PTPRD: variants seen among roughly 807,000 people sequenced by gnomAD.
The protein encoded by PTPRD is receptor-type tyrosine-protein phosphatase delta.
A neutral mutation model predicts 214.5 loss-of-function variants in PTPRD; 34 were observed. The ratio of observed to expected loss-of-function variants is 0.16; its 90% CI spans 0.12 to 0.21. The LOEUF (loss-of-function observed/expected upper bound fraction) is 0.21. PTPRD is among the 10% of genes least tolerant of loss of function. The pLI, the probability that PTPRD is intolerant of heterozygous loss-of-function variation, is 1.00. For missense variants in PTPRD, 2,545 were observed against 2,398.7 expected, an observed-to-expected ratio of 1.06 and a Z score of -1.27; for synonymous variants, 1,128 against 845.7, an observed-to-expected ratio of 1.33 and a Z score of -5.79.
chr9:9,057,467 T>G (rs56253829), intron 10 of PTPRD, among the ~76,000 whole-genome samples: 67 of 152,102 alleles, frequency 4.4e-4, no homozygotes, highest in Non-Finnish European at 8.2e-4. Context: ...GAAAACTATA[T>G]GTTAAAATGG....
At chr9:10,285,017 T>C (rs569189629) in intron 3 of PTPRD, among the ~76,000 whole-genome samples, 29 of 152,224 alleles carry the variant, frequency 1.9e-4, no homozygotes, top group Non-Finnish European at 1.6e-4. Flanking sequence ...TTAACTGCTA[T>C]TTTGAACATT....
At chr9:8,569,243 G>T (rs1369186374) in intron 14 of PTPRD, among the ~76,000 whole-genome samples, 2 of 152,034 alleles carry the variant, frequency 1.3e-5, no homozygotes, top group East Asian at 3.9e-4. Flanking sequence ...AGAGGAAAAG[G>T]TTATGCTAGT....
intron 35 of PTPRD, among the ~76,000 whole-genome samples, chr9:8,415,767 A>G (rs756898540): frequency 2.0e-4 from 30 of 152,272 alleles, no homozygotes; most frequent in South Asian, 2.1e-4. Context: ...GACGATGACC[A>G]TGAAAATCTG....
intron 3 of PTPRD, among the ~76,000 whole-genome samples, chr9:10,229,334 C>T (rs1437428577): frequency 2.6e-5 from 4 of 152,008 alleles, no homozygotes; most frequent in African/African-American, 9.7e-5. Flanking sequence ...CCATTTGACC[C>T]AGCCATCCCA....
chr9:9,217,908 C>T (rs185800130), intron 9 of PTPRD, among the ~76,000 whole-genome samples: 234 of 152,216 alleles, frequency 1.5e-3, no homozygotes, highest in African/African-American at 5.0e-3. Flanking sequence ...ATAATTAATA[C>T]ATAAATTTAT....
At chr9:8,722,789 CT>C (rs2098515347) in intron 12 of PTPRD, among the ~76,000 whole-genome samples, 2 of 152,090 alleles carry the variant, frequency 1.3e-5, no homozygotes, top group South Asian at 4.1e-4. Flanking sequence ...CAATGTAAAA[CT>C]ATCATCTGCT....
intron 3 of PTPRD, among the ~76,000 whole-genome samples, chr9:10,120,263 T>C (rs768227501): frequency 6.6e-6 from 1 of 151,768 alleles, no homozygotes; most frequent in Non-Finnish European, 1.5e-5. Flanking sequence ...AGCAGTAGCA[T>C]CAATAAAAGA....
At chr9:9,924,363 G>C (rs1202935831) in intron 5 of PTPRD, among the ~76,000 whole-genome samples, 2 of 152,012 alleles carry the variant, frequency 1.3e-5, no homozygotes, top group East Asian at 1.9e-4. Flanking sequence ...CTATAGCATA[G>C]AGAAGTGTCA....
chr9:8,996,309 T>G (rs372117606), intron 11 of PTPRD, among the ~76,000 whole-genome samples: 10 of 152,128 alleles, frequency 6.6e-5, no homozygotes, highest in East Asian at 3.9e-4. Flanking sequence ...AATGAACTAC[T>G]GATACACACA....
chr9:9,364,182 C>T (rs142600830), intron 9 of PTPRD, among the ~76,000 whole-genome samples: 183 of 151,490 alleles, frequency 1.2e-3, no homozygotes, highest in East Asian at 0.012. Flanking sequence ...ATAGACTGAT[C>T]GTTTTTCTCT....
At chr9:10,591,753 A>G (rs2075503740) in intron 2 of PTPRD, among the ~76,000 whole-genome samples, 1 of 151,904 alleles carries the variant, frequency 6.6e-6, no homozygotes, top group Non-Finnish European at 1.5e-5. Flanking sequence ...TAGTGACTCA[A>G]TTCTCCTGAG....
At chr9:9,505,527 A>T (rs2096550670) in intron 8 of PTPRD, among the ~76,000 whole-genome samples, 1 of 151,464 alleles carries the variant, frequency 6.6e-6, no homozygotes, top group African/African-American at 2.4e-5. Flanking sequence ...AGCTGTCATT[A>T]TTATTTGAGG....
chr9:8,760,103 G>C (rs997270839), intron 11 of PTPRD, among the ~76,000 whole-genome samples: 1 of 152,168 alleles, frequency 6.6e-6, no homozygotes, highest in Non-Finnish European at 1.5e-5. Context: ...GCTAATTCTT[G>C]TGTTTTTGGT....
chr9:9,073,378 T>C (rs969233444), intron 10 of PTPRD, among the ~76,000 whole-genome samples: 1 of 152,146 alleles, frequency 6.6e-6, no homozygotes, highest in African/African-American at 2.4e-5. Context: ...AAATCAAATA[T>C]TTGGTTATGA....
intron 11 of PTPRD, among the ~76,000 whole-genome samples, chr9:8,756,956 C>T (rs1226782889): frequency 4.6e-5 from 7 of 151,928 alleles, no homozygotes; most frequent in Non-Finnish European, 8.8e-5. Flanking sequence ...CCTTGGCCAA[C>T]GTGGTGAAAC....
chr9:9,049,511 A>T (rs571158504), intron 10 of PTPRD, among the ~76,000 whole-genome samples: 2 of 152,312 alleles, frequency 1.3e-5, no homozygotes, highest in African/African-American at 2.4e-5. Context: ...TGTAGAAAAC[A>T]TGACTATAGA....
At chr9:10,037,034 T>G (rs907635902) in intron 3 of PTPRD, among the ~76,000 whole-genome samples, 1 of 151,882 alleles carries the variant, frequency 6.6e-6, no homozygotes, top group Non-Finnish European at 1.5e-5. Context: ...TACAGGTATG[T>G]CCCACCATGC....
At chr9:10,129,499 C>CTTT (rs35281382) in intron 3 of PTPRD, among the ~76,000 whole-genome samples, 3 of 125,814 alleles carry the variant, frequency 2.4e-5, no homozygotes, top group Middle Eastern at 4.1e-3. Flanking sequence ...TTTTTCTTTC[C>CTTT]TTTTTTTTTT....
Position 10,520,187 on chromosome 9 carries a change from A to C in PTPRD, c.-600+92211T>G, listed in dbSNP as rs560695050. On this transcript the variant is annotated intron_variant, in intron 2 of 45. Coordinates refer to ENST00000381196, the MANE Select transcript of PTPRD (RefSeq NM_002839.4). Reference sequence around the variant, plus strand: ...TGTCAAGTTGCAAATGCAAAGGAAGAGTTATTGAAGCAAAAGTGCTACTCC... The same window carrying C: ...TGTCAAGTTGCAAATGCAAAGGAAGCGTTATTGAAGCAAAAGTGCTACTCC... Among the ~76,000 whole-genome samples the C allele has an allele frequency of 1.0e-3, 154 of 152,298 alleles. 1 individual carries two copies. Among genetic ancestry groups the C allele is most frequent in the Non-Finnish European group, 1.7e-3 (119 of 68,020 alleles).
Sources: allele counts gnomAD v4.1 joint callset (sites outside exome capture counted in the v4.1 genomes callset), GRCh38; gene constraint gnomAD v4.1.1; transcripts MANE v1.5; gene names NCBI Gene and HGNC (gene_info 2026-07-23, HGNC 2026-07-21).